SLC5A1: variants seen among roughly 807,000 people sequenced by gnomAD.
The protein encoded by SLC5A1 is sodium/glucose cotransporter 1.
Under a neutral mutation model 73.5 loss-of-function variants are expected in SLC5A1, and 42 were observed. The ratio of observed to expected loss-of-function variants is 0.57; its 90% CI spans 0.45 to 0.74. The LOEUF (loss-of-function observed/expected upper bound fraction) is 0.74, where lower values mean the gene tolerates loss of function less well. SLC5A1 is among the 30% of genes least tolerant of loss of function. The pLI, the probability that SLC5A1 is intolerant of heterozygous loss-of-function variation, is 0.00. For missense variants in SLC5A1, 634 were observed against 855.4 expected (o/e 0.74, Z 3.23); for synonymous variants, 300 against 317.4 (o/e 0.95, Z 0.58).
intron 14 of SLC5A1, among the ~76,000 whole-genome samples, chr22:32,107,761 G>C (rs2094048887): frequency 6.6e-6 from 1 of 152,148 alleles, no homozygotes; most frequent in South Asian, 2.1e-4. Context: ...TGAACTTAGG[G>C]TGAAATCAGA....
intron 11 of SLC5A1, among the ~76,000 whole-genome samples, chr22:32,096,505 C>T (rs2094026508): frequency 6.6e-6 from 1 of 152,192 alleles, no homozygotes; most frequent in African/African-American, 2.4e-5. Context: ...CCCCTTGATG[C>T]AACATTCTGC....
chr22:32,080,153 G>A (rs925207900), intron 5 of SLC5A1, among the ~76,000 whole-genome samples: 5 of 152,146 alleles, frequency 3.3e-5, no homozygotes, highest in Non-Finnish European at 7.4e-5. Flanking sequence ...TCCAGGGAGA[G>A]AGGAGTTTCT....
At chr22:32,057,163 G>T (rs2093953091) in intron 2 of SLC5A1, among the ~76,000 whole-genome samples, 1 of 152,190 alleles carries the variant, frequency 6.6e-6, no homozygotes, top group Non-Finnish European at 1.5e-5. Flanking sequence ...GGATGTCCAT[G>T]CCATTTAATT....
At chr22:32,069,238 G>A (rs2093979007) in intron 5 of SLC5A1, among the ~76,000 whole-genome samples, 1 of 152,186 alleles carries the variant, frequency 6.6e-6, no homozygotes, top group South Asian at 2.1e-4. Context: ...GAAGCAGAGA[G>A]TAGAATGGTG....
At chr22:32,056,042 GT>G (rs971114840) in intron 2 of SLC5A1, among the ~76,000 whole-genome samples, 4 of 152,108 alleles carry the variant, frequency 2.6e-5, no homozygotes, top group Non-Finnish European at 5.9e-5. Context: ...TTGTTTGTTT[GT>G]TTTTTGAGAC....
rs776173794 is a variant in SLC5A1, at chr22:32,043,341, C to A, written c.60C>A (p.His20Gln). The change falls in exon 1 of 15, where the codon CAC becomes CAA. Residue 20 changes from histidine (H) to glutamine (Q), a missense_variant. This residue lies in a region of SLC5A1 where 51 missense variants were observed against 50.5 expected (regional missense o/e 1.01). Coordinates refer to ENST00000266088, the MANE Select transcript of SLC5A1 (RefSeq NM_000343.4). This position sits in a 1 kb window ranked among gnomAD's most constrained non-coding sequence, Gnocchi z 6.5. ...CGGTCACCCGGCCTGTTGAGACCCA[C>A]GAGCTCATTCGCAATGCAGCCGATA... ...TTAVTRPVET[H>Q]ELIRNAADIS... 6.2e-7 allele frequency: 1 copy of A among 1,614,114 alleles called. No homozygotes were observed. Among genetic ancestry groups the A allele is most frequent in the Admixed American group, 1.7e-5 (1 of 60,024 alleles).
chr22:32,058,401 T>C (rs1200663353), intron 2 of SLC5A1, among the ~76,000 whole-genome samples: 1 of 152,246 alleles, frequency 6.6e-6, no homozygotes, highest in Non-Finnish European at 1.5e-5. Flanking sequence ...AACTTGAATT[T>C]ATCCAATTGT....
At chr22:32,084,320 C>A in intron 7 of SLC5A1, 119 bp from the exon 8 acceptor site, 1 of 854,146 alleles carries the variant, frequency 1.2e-6, no homozygotes, top group Non-Finnish European at 1.9e-6. Flanking sequence ...CCCAAGGCCA[C>A]TCAGTGAGGG....
At chr22:32,070,655 CT>C (rs2093981565) in intron 5 of SLC5A1, among the ~76,000 whole-genome samples, 1 of 152,090 alleles carries the variant, frequency 6.6e-6, no homozygotes, top group South Asian at 2.1e-4. Flanking sequence ...CTTTACTTCA[CT>C]TTTTCTTCCT....
At chr22:32,090,117 A>C (rs1027301718) in intron 10 of SLC5A1, among the ~76,000 whole-genome samples, 2 of 146,390 alleles carry the variant, frequency 1.4e-5, no homozygotes, top group African/African-American at 2.6e-5. Context: ...AAAAAAAAAA[A>C]CAAAAAAACT....
intron 2 of SLC5A1, chr22:32,059,139 A>G (rs2093956366): frequency 1.0e-6 from 1 of 985,272 alleles, no homozygotes; most frequent in Non-Finnish European, 1.2e-6. Context: ...TCCTCTTCTG[A>G]ATTTCATGCC....
intron 10 of SLC5A1, among the ~76,000 whole-genome samples, chr22:32,089,199 A>G (rs1394850291): frequency 6.6e-6 from 1 of 152,236 alleles, no homozygotes; most frequent in African/African-American, 2.4e-5. Context: ...CAACTGAAAA[A>G]TGAGATAATT....
At chr22:32,067,870 C>A in intron 3 of SLC5A1, 97 bp from the exon 4 acceptor site, 2 of 1,256,530 alleles carry the variant, frequency 1.6e-6, no homozygotes, top group Non-Finnish European at 2.3e-6. Flanking sequence ...GGAGAACATG[C>A]TGGGTAATTT....
chr22:32,074,104 G>A (rs1261639258), intron 5 of SLC5A1, among the ~76,000 whole-genome samples: 1 of 152,154 alleles, frequency 6.6e-6, no homozygotes, highest in African/African-American at 2.4e-5. Context: ...AGAGAAGGGT[G>A]CTGGGCCTCC....
At chr22:32,102,357 T>C (rs910338765) in intron 13 of SLC5A1, 120 bp downstream of exon 13, 24 of 762,162 alleles carry the variant, frequency 3.1e-5, no homozygotes, top group Admixed American at 2.8e-4. Flanking sequence ...ATGGGGTACA[T>C]GTAATGTTTT....
At chr22:32,087,192 T>C (rs1569311886) in intron 10 of SLC5A1, among the ~76,000 whole-genome samples, 1 of 152,162 alleles carries the variant, frequency 6.6e-6, no homozygotes, top group Non-Finnish European at 1.5e-5. Flanking sequence ...ATAGTGACTA[T>C]AGTTAATAGC....
intron 2 of SLC5A1, among the ~76,000 whole-genome samples, chr22:32,059,972 A>G (rs2093957901): frequency 6.6e-6 from 1 of 150,930 alleles, no homozygotes; most frequent in Non-Finnish European, 1.5e-5. Flanking sequence ...ATGTGGTTGA[A>G]GTGAAAATGC....
intron 7 of SLC5A1, among the ~76,000 whole-genome samples, chr22:32,083,721 A>G (rs989291364): frequency 1.7e-4 from 26 of 151,558 alleles, no homozygotes; most frequent in Admixed American, 1.6e-3. Context: ...ATGAGACTGG[A>G]GAACCTAGGT....
At chr22:32,087,035 C>A (rs74321309) in intron 10 of SLC5A1, among the ~76,000 whole-genome samples, 1 of 152,060 alleles carries the variant, frequency 6.6e-6, no homozygotes, top group African/African-American at 2.4e-5. Context: ...TTGTCACTTA[C>A]ATGTAGAGCC....
Sources: gnomAD v4.1 joint callset for allele counts (sites outside exome capture counted in the v4.1 genomes callset) on GRCh38, gnomAD v4.1.1 for gene constraint, gnomAD v4.1.1 regional missense constraint, Gnocchi (gnomAD v3.1) non-coding constraint, MANE v1.5 for transcripts, NCBI Gene and HGNC (gene_info 2026-07-23, HGNC 2026-07-21) for gene names.